UBXN10: variants seen among roughly 807,000 people sequenced by gnomAD.
UBXN10 encodes UBX domain protein 10.
In UBXN10, 6 loss-of-function variants were observed where a neutral mutation model predicts 6.9. That is an observed-to-expected ratio of 0.87 (90% CI 0.48 to 1.72). The LOEUF (loss-of-function observed/expected upper bound fraction) is 1.72, where lower values mean the gene tolerates loss of function less well. UBXN10 is among the 40% of genes most tolerant of loss of function. The probability of loss-of-function intolerance (pLI) is 0.01; values close to 1 mark genes in which losing one functional copy is unlikely to be tolerated. For missense variants in UBXN10, 317 were observed against 348.4 expected (o/e 0.91, Z 0.72); for synonymous variants, 131 against 135.2 (o/e 0.97, Z 0.21).
At chr1:20,188,591 G>A (rs895727766) in intron 1 of UBXN10, among the ~76,000 whole-genome samples, 1 of 152,232 alleles carries the variant, frequency 6.6e-6, no homozygotes, top group Admixed American at 6.5e-5. Context: ...TGCAGGAAGT[G>A]CAAATCATTC....
upstream of UBXN10, chr1:20,186,084 C>T (rs762415596): frequency 1.3e-5 from 2 of 151,634 alleles, no homozygotes; most frequent in Non-Finnish European, 2.9e-5. Flanking sequence ...CGGCGTTGCC[C>T]GGGAGACCAG....
At chr1:20,185,858 GAA>G (rs1175124483), upstream of UBXN10, among the ~76,000 whole-genome samples, 1 of 152,212 alleles carries the variant, frequency 6.6e-6, no homozygotes. Flanking sequence ...CCCCCAGAGA[GAA>G]ACAGAGGCGG....
At position 20,191,573 on chromosome 1, in the gene UBXN10, A is replaced by G. The variant is rs1259919237; in HGVS notation, c.*169A>G. ...CTCTGAAGCAGTGAAGTCTGTGCCT[A>G]TGCCGAGCGCGCTAAGAAGTCTCCC... is the stretch of plus-strand genomic sequence containing the variant. On this transcript the variant is annotated 3_prime_UTR_variant, in exon 2 of 2. Transcript: ENST00000375099. The surrounding 1 kb of genome is among the most constrained non-coding windows in gnomAD (Gnocchi z 4.5). The G allele has an allele frequency of 2.8e-6, 3 of 1,057,358 alleles. No individual in the cohort carries two copies. The highest frequency in any genetic ancestry group is 1.6e-5 in the African/African-American group (1 of 62,174). The allele number at this position is 1,057,358 out of a possible 1,614,324, so 65.5% of individuals were successfully genotyped here. A position where few individuals can be genotyped will look rare whatever the true frequency, so the allele number is the denominator to read the frequency against.
At chr1:20,190,399 A>G (rs746310557) in intron 1 of UBXN10, 148 bp from the exon 2 acceptor site, 23 of 1,006,536 alleles carry the variant, frequency 2.3e-5, no homozygotes, top group Non-Finnish European at 2.9e-5. Flanking sequence ...AAATGAATGC[A>G]TGCCTGAATG....
In UBXN10 at chr1:20,190,989, G is replaced by T; in HGVS notation, c.428G>T (p.Ser143Ile). 1 of 1,614,150 alleles carries T rather than the reference G, an allele frequency of 6.2e-7. No homozygotes were observed. Among genetic ancestry groups the T allele is most frequent in the South Asian group, 1.1e-5 (1 of 91,072 alleles). The change falls in exon 2 of 2, where the codon AGC (serine) becomes ATC (isoleucine). Residue 143 changes from serine (S) to isoleucine (I), a missense_variant. Coordinates refer to ENST00000375099, the MANE Select transcript of UBXN10 (RefSeq NM_152376.5). Reference protein sequence around the residue: ...VAKKASSLQLSSIRALYQDET... With the variant: ...VAKKASSLQLISIRALYQDET... ...AAAAAGGCCAGCTCACTGCAACTGA[G>T]CAGTATCCGGGCTCTTTACCAAGAC...
At chr1:20,186,268 A>C (rs2018390845) in intron 1 of UBXN10, 115 bp downstream of exon 1, 1 of 152,136 alleles carries the variant, frequency 6.6e-6, no homozygotes, top group Non-Finnish European at 1.5e-5. Context: ...GCCTCCCCAG[A>C]CCCAGCCCGG....
At chr1:20,189,955 G>A (rs2018462041) in intron 1 of UBXN10, among the ~76,000 whole-genome samples, 1 of 152,110 alleles carries the variant, frequency 6.6e-6, no homozygotes, top group African/African-American at 2.4e-5. Flanking sequence ...ATTAGCATGC[G>A]CCCAGAGTTG....
chr1:20,190,896 A>G lies in UBXN10; in HGVS notation c.335A>G (p.Asn112Ser), dbSNP rs775602550. 2.4e-5 allele frequency: 39 copies of G among 1,614,026 alleles called. No homozygotes were observed. Among genetic ancestry groups the G allele is most frequent in the Admixed American group, 6.7e-5 (4 of 60,002 alleles). Residue 112 changes from asparagine (N) to serine (S), a missense_variant, in exon 2 of 2, where the codon AAT becomes AGT. Transcript: ENST00000375099. ...CCCACTGGGGCTTCCTCTTCTCTCA[A>G]TAAGTATCCAGTCCTTCCTTCCATC... ...QVPTGASSSL[N>S]KYPVLPSINR...
Position 20,193,840 on chromosome 1 carries a change from T to C in UBXN10, c.*2436T>C, listed in dbSNP as rs1034764305. 1.8e-5 allele frequency: 3 copies of C among 167,046 alleles called. No homozygotes were observed. The highest frequency in any genetic ancestry group is 7.2e-5 in the African/African-American group (3 of 41,428). The allele number at this position is 167,046 out of a possible 1,614,324, so 10.3% of individuals were successfully genotyped here. On this transcript the variant is annotated 3_prime_UTR_variant, in exon 2 of 2. Coordinates refer to ENST00000375099, the MANE Select transcript of UBXN10 (RefSeq NM_152376.5). ...TCAGAGTTCCTGATGGCTCCACATG[T>C]TGCATTGCAGCTGAGGCCCCCTGTC...
At position 20,190,745 on chromosome 1, in the gene UBXN10, C is replaced by G; in HGVS notation, c.184C>G (p.His62Asp). 6.2e-7 allele frequency: 1 copy of G among 1,614,058 alleles called. No individual in the cohort carries two copies. Among genetic ancestry groups the G allele is most frequent in the East Asian group, 2.2e-5 (1 of 44,880 alleles). ...CCAGGGCGTGGAGGTGTGCGCTCAT[C>G]ATATACCATCTCCGCCTCCAGCCAT... ...KSQGVEVCAH[H>D]IPSPPPAIPY... Residue 62 changes from histidine to aspartate, a missense_variant, in exon 2 of 2, where the codon CAT (histidine) becomes GAT (aspartate). His to Asp is a moderately conservative substitution (Grantham distance 81). Transcript: ENST00000375099.
chr1:20,191,356 C>T lies in UBXN10; in HGVS notation c.795C>T (p.His265=). The change falls in exon 2 of 2, where the codon CAC becomes CAT. Residue 265 remains histidine, a synonymous_variant. Coordinates refer to ENST00000375099, the MANE Select transcript of UBXN10 (RefSeq NM_152376.5). The surrounding 1 kb of genome is among the most constrained non-coding windows in gnomAD (Gnocchi z 4.5). ...CTCTGCAAGAGTGCAGAATCCCCCA[C>T]AAGTCTGTGCTGGGCATCTCACTGG... The part of the protein sequence containing the change: ...TKSLQECRIP[H]KSVLGISLED... The T allele has an allele frequency of 6.2e-7, 1 of 1,613,960 alleles. No individual in the cohort carries two copies. Among genetic ancestry groups the T allele is most frequent in the Non-Finnish European group, 8.5e-7 (1 of 1,179,794 alleles).
rs1231023159 is a variant in UBXN10 at position 20,190,661 on chromosome 1, A to G, written c.100A>G (p.Met34Val). 1.4e-5 allele frequency: 22 copies of G among 1,612,348 alleles called. No individual in the cohort carries two copies. In the East Asian group the frequency reaches 5.1e-4, roughly 37 times the overall value. The change falls in exon 2 of 2, where the codon ATG becomes GTG. Residue 34 changes from methionine to valine, a missense_variant. Physicochemically the swap from Met to Val is conservative, Grantham distance 21. Transcript: ENST00000375099. ...SLIWQPNSLN[M>V]HMIRPKSAKG... is the part of the protein sequence containing the mutation. ...CATTTGGCAGCCAAACTCACTAAAT[A>G]TGCACATGATAAGGCCCAAGTCCGC... is the stretch of plus-strand genomic sequence containing the variant.
At position 20,193,461 on chromosome 1, in the gene UBXN10, A is replaced by AT. The variant is rs149668247; in HGVS notation, c.*2067dup. ...CTAGACTCAAACCATCATAATAAAC[A>AT]TTTTTTTTTTGGACAAAAGATGATA... is the stretch of plus-strand genomic sequence containing the variant. On this transcript the variant is annotated 3_prime_UTR_variant, in exon 2 of 2. Coordinates refer to ENST00000375099, the MANE Select transcript of UBXN10 (RefSeq NM_152376.5). 2,094 of 163,152 alleles carry AT rather than the reference A, an allele frequency of 0.013. 43 individuals are homozygous for AT. The highest frequency in any genetic ancestry group is 0.046 in the African/African-American group (1,894 of 41,022). The allele number at this position is 163,152 out of a possible 1,614,324, so 10.1% of individuals were successfully genotyped here.
chr1:20,190,428 C>G, intron 1 of UBXN10, 119 bp from the exon 2 acceptor site: 1 of 1,291,092 alleles, frequency 7.7e-7, no homozygotes, highest in East Asian at 2.3e-5. Flanking sequence ...GCAGCTGGTG[C>G]CCCTTACTAG....
chr1:20,190,904 C>T lies in UBXN10; in HGVS notation c.343C>T (p.Pro115Ser), dbSNP rs761146499. The change falls in exon 2 of 2, where the codon CCA becomes TCA. Residue 115 changes from proline to serine, a missense_variant. Coordinates refer to ENST00000375099, the MANE Select transcript of UBXN10 (RefSeq NM_152376.5). ...GGCTTCCTCTTCTCTCAATAAGTAT[C>T]CAGTCCTTCCTTCCATCAACAGAAA... Reference protein sequence around the residue: ...TGASSSLNKYPVLPSINRKNL... With the variant: ...TGASSSLNKYSVLPSINRKNL... The T allele has an allele frequency of 6.2e-7, 1 of 1,614,014 alleles. No homozygotes were observed. Among genetic ancestry groups the T allele is most frequent in the African/African-American group, 1.3e-5 (1 of 74,904 alleles).
In UBXN10 at chr1:20,191,343, G is replaced by T. The variant is rs1481977160; in HGVS notation, c.782G>T (p.Cys261Phe). Reference sequence around the variant, plus strand: ...GACCTCACCAAATCTCTGCAAGAGTGCAGAATCCCCCACAAGTCTGTGCTG... The same window carrying T: ...GACCTCACCAAATCTCTGCAAGAGTTCAGAATCCCCCACAAGTCTGTGCTG... ...FSDLTKSLQE[C>F]RIPHKSVLGI... Residue 261 changes from cysteine (C) to phenylalanine (F), a missense_variant, in exon 2 of 2, where the codon TGC becomes TTC. By Grantham distance (205) the Cys-to-Phe change is radical. Coordinates refer to ENST00000375099, the MANE Select transcript of UBXN10 (RefSeq NM_152376.5). The surrounding 1 kb of genome is among the most constrained non-coding windows in gnomAD (Gnocchi z 4.5). 9 of 1,614,110 alleles carry T rather than the reference G, an allele frequency of 5.6e-6. No individual in the cohort carries two copies. The Admixed American group carries it at 1.2e-4, about 21-fold the overall frequency.
rs2018582733 is a variant in UBXN10 at position 20,195,403 on chromosome 1, CTT to C, written c.*4000_*4001del. ...AGGGGCTGGGGTGGAAGATGGAAGA[CTT>C]GAGTGCTGGAGGTATGAAGGTGACC... On this transcript the variant is annotated 3_prime_UTR_variant, in exon 2 of 2. Coordinates refer to ENST00000375099, the MANE Select transcript of UBXN10 (RefSeq NM_152376.5). 1 of 167,630 alleles carries C rather than the reference CTT, an allele frequency of 6.0e-6. No individual in the cohort carries two copies. The highest frequency in any genetic ancestry group is 1.9e-4 in the East Asian group (1 of 5,214). 10.4% of individuals were successfully genotyped at this position (167,630 alleles called of 1,614,324 possible). A position where few individuals can be genotyped will look rare whatever the true frequency, so the allele number is the denominator to read the frequency against.
upstream of UBXN10, among the ~76,000 whole-genome samples, chr1:20,183,655 A>T (rs2018313639): frequency 6.6e-6 from 1 of 152,028 alleles, no homozygotes; most frequent in Non-Finnish European, 1.5e-5. Flanking sequence ...TTTTGTGGGG[A>T]GGCTGTGGTC....
In UBXN10 at chr1:20,190,862, C is replaced by T. The variant is rs771020133; in HGVS notation, c.301C>T (p.Gln101Ter). The change falls in exon 2 of 2, where the codon CAG becomes TAG. Residue 101 changes from glutamine to a stop codon, truncating the protein, a stop_gained. Coordinates refer to ENST00000375099, the MANE Select transcript of UBXN10 (RefSeq NM_152376.5). LOFTEE classifies it low-confidence loss of function (END_TRUNC). ...TTCTGATGAGATCCCTGAGCTGCAG[C>T]AGCAAGTACCCACTGGGGCTTCCTC... The part of the protein sequence containing the change: ...GASDEIPELQ[Q>*]QVPTGASSSL... 6.2e-7 allele frequency: 1 copy of T among 1,614,054 alleles called. No homozygotes were observed. The highest frequency in any genetic ancestry group is 2.2e-5 in the East Asian group (1 of 44,878).
Sources: gnomAD v4.1 joint callset for allele counts (sites outside exome capture counted in the v4.1 genomes callset) on GRCh38, gnomAD v4.1.1 for gene constraint, Gnocchi (gnomAD v3.1) non-coding constraint, MANE v1.5 for transcripts, NCBI Gene and HGNC (gene_info 2026-07-23, HGNC 2026-07-21) for gene names.